MLLT3: variants seen among roughly 807,000 people sequenced by gnomAD.
The protein encoded by MLLT3 is MLLT3 super elongation complex subunit, also known as protein AF-9.
A neutral mutation model predicts 53.2 loss-of-function variants in MLLT3; 4 were observed. The observed-to-expected ratio is 0.08, with a 90% CI of 0.04 to 0.17. The LOEUF is 0.17. MLLT3 is among the 10% of genes least tolerant of loss of function. The pLI is 1.00. For missense variants in MLLT3, 569 were observed against 684.0 expected (o/e 0.83, Z 1.87); for synonymous variants, 283 against 230.6 (o/e 1.23, Z -2.06).
At chr9:20,491,362 G>A (rs1042544070) in intron 2 of MLLT3, among the ~76,000 whole-genome samples, 1 of 151,996 alleles carries the variant, frequency 6.6e-6, no homozygotes, top group East Asian at 1.9e-4. Context: ...AGAGAAAAAT[G>A]AGGAACTATA....
chr9:20,366,641 C>T (rs1350569808), intron 5 of MLLT3, among the ~76,000 whole-genome samples: 1 of 152,214 alleles, frequency 6.6e-6, no homozygotes, highest in South Asian at 2.1e-4. Context: ...AATGGTTGAA[C>T]TAATTTACAC....
intron 2 of MLLT3, among the ~76,000 whole-genome samples, chr9:20,516,755 C>G (rs1053937993): frequency 4.6e-5 from 7 of 152,162 alleles, no homozygotes; most frequent in Admixed American, 2.0e-4. Flanking sequence ...ACACATTTTA[C>G]CTCAACTCTG....
intron 2 of MLLT3, among the ~76,000 whole-genome samples, chr9:20,593,315 C>G (rs1820173490): frequency 6.6e-6 from 1 of 152,124 alleles, no homozygotes; most frequent in African/African-American, 2.4e-5. Context: ...CCCAAGTTAT[C>G]CTGGGACCTC....
At chr9:20,572,836 T>C (rs767754672) in intron 2 of MLLT3, among the ~76,000 whole-genome samples, 7 of 152,132 alleles carry the variant, frequency 4.6e-5, no homozygotes, top group South Asian at 2.1e-4. Flanking sequence ...AACATCCAGA[T>C]TTCTCAGTTA....
At chr9:20,498,528 C>T (rs1825139200) in intron 2 of MLLT3, among the ~76,000 whole-genome samples, 3 of 152,182 alleles carry the variant, frequency 2.0e-5, no homozygotes, top group African/African-American at 7.2e-5. Context: ...CTAGATCAAG[C>T]TTGTCCAACC....
intron 2 of MLLT3, among the ~76,000 whole-genome samples, chr9:20,558,423 G>A (rs1819117845): frequency 6.6e-6 from 1 of 152,098 alleles, no homozygotes; most frequent in Admixed American, 6.6e-5. Context: ...TTACAGACGT[G>A]AGCCACTGCA....
intron 2 of MLLT3, among the ~76,000 whole-genome samples, chr9:20,491,626 G>C (rs879510216): frequency 6.6e-6 from 1 of 152,106 alleles, no homozygotes; most frequent in Non-Finnish European, 1.5e-5. Context: ...TTGAGTTTCT[G>C]TTAAGAGAGA....
chr9:20,364,276 C>T (rs1316654882), intron 6 of MLLT3, among the ~76,000 whole-genome samples: 1 of 151,908 alleles, frequency 6.6e-6, no homozygotes, highest in African/African-American at 2.4e-5. Context: ...ATCAGGTACA[C>T]AGAAAAATCA....
intron 3 of MLLT3, among the ~76,000 whole-genome samples, chr9:20,450,689 T>G (rs1391614695): frequency 6.6e-6 from 1 of 152,210 alleles, no homozygotes; most frequent in Non-Finnish European, 1.5e-5. Flanking sequence ...CATTAATTCC[T>G]CTGAAAGTCT....
intron 2 of MLLT3, among the ~76,000 whole-genome samples, chr9:20,494,930 A>G (rs535591023): frequency 6.6e-6 from 1 of 152,300 alleles, no homozygotes; most frequent in South Asian, 2.1e-4. Context: ...TATATGCAAG[A>G]TGATTTTTTT....
chr9:20,539,943 G>C (rs1179539250), intron 2 of MLLT3, among the ~76,000 whole-genome samples: 1 of 152,170 alleles, frequency 6.6e-6, no homozygotes, highest in Non-Finnish European at 1.5e-5. Context: ...AGATACAATG[G>C]AGGTACAGGC....
At chr9:20,564,734 T>C (rs1819304525) in intron 2 of MLLT3, among the ~76,000 whole-genome samples, 1 of 152,192 alleles carries the variant, frequency 6.6e-6, no homozygotes, top group South Asian at 2.1e-4. Flanking sequence ...GAACTATGGA[T>C]ATTTATCCAC....
intron 2 of MLLT3, among the ~76,000 whole-genome samples, chr9:20,481,052 A>G (rs1443958390): frequency 6.6e-6 from 1 of 152,198 alleles, no homozygotes; most frequent in East Asian, 1.9e-4. Context: ...TATCCCTAAA[A>G]CTAGCCTTAA....
At chr9:20,438,503 C>G (rs1823462787) in intron 4 of MLLT3, among the ~76,000 whole-genome samples, 1 of 152,190 alleles carries the variant, frequency 6.6e-6, no homozygotes, top group Non-Finnish European at 1.5e-5. Context: ...ACTGGAGCCT[C>G]AAATTCCTGG....
At chr9:20,573,399 C>T (rs1020489159) in intron 2 of MLLT3, among the ~76,000 whole-genome samples, 1 of 152,034 alleles carries the variant, frequency 6.6e-6, no homozygotes, top group Non-Finnish European at 1.5e-5. Context: ...AGACTAGTCT[C>T]GAACTCCTAA....
chr9:20,570,362 CTG>C (rs936882255), intron 2 of MLLT3, among the ~76,000 whole-genome samples: 1 of 152,138 alleles, frequency 6.6e-6, no homozygotes, highest in African/African-American at 2.4e-5. Flanking sequence ...AGTCAAAGTA[CTG>C]TGTTTTTTCA....
chr9:20,597,549 C>T (rs1820306137), intron 2 of MLLT3, among the ~76,000 whole-genome samples: 1 of 152,154 alleles, frequency 6.6e-6, no homozygotes, highest in Non-Finnish European at 1.5e-5. Context: ...TTCAACCATA[C>T]AAATGAGGTT....
Position 20,346,379 on chromosome 9 carries a change from CAAAAAAAAAAAAAACCAA to C in MLLT3, c.*46_*63del. 1 of 982,276 alleles carries C rather than the reference CAAAAAAAAAAAAAACCAA, an allele frequency of 1.0e-6. No homozygotes were observed. The highest frequency in any genetic ancestry group is 1.3e-6 in the Non-Finnish European group (1 of 760,718). 60.8% of individuals were successfully genotyped at this position (982,276 alleles called of 1,614,324 possible). On this transcript the variant is annotated 3_prime_UTR_variant, in exon 11 of 11. Transcript: ENST00000380338. ...AACAACAAGAACAAAAAATCACAAC[CAAAAAAAAAAAAAACCAA>C]AAAAAAAAAACACAATAGTTCTTGA...
At chr9:20,521,454 GTA>G (rs761338915) in intron 2 of MLLT3, among the ~76,000 whole-genome samples, 1,280 of 117,376 alleles carry the variant, frequency 0.011, 4 homozygotes, top group Non-Finnish European at 0.013. Context: ...CGCTGTGTGT[GTA>G]TATGTGTGTG....
Sources: gnomAD v4.1 joint callset for allele counts (sites outside exome capture counted in the v4.1 genomes callset) on GRCh38, gnomAD v4.1.1 for gene constraint, MANE v1.5 for transcripts, NCBI Gene and HGNC (gene_info 2026-07-23, HGNC 2026-07-21) for gene names.